Variants in CNTNAP2 observed in about 807,000 individuals in gnomAD.
The protein encoded by CNTNAP2 is contactin associated protein 2.
A neutral mutation model predicts 155.2 loss-of-function variants in CNTNAP2; 98 were observed. The observed-to-expected ratio is 0.63, with a 90% CI of 0.54 to 0.75. The LOEUF (loss-of-function observed/expected upper bound fraction) is 0.75, where lower values mean the gene tolerates loss of function less well. Ranked by LOEUF, CNTNAP2 falls within the 30% of genes least tolerant of loss-of-function variation. CNTNAP2 has a pLI of 0.00. For synonymous variants in CNTNAP2, 651 were observed against 631.2 expected (o/e 1.03, Z -0.47); for missense variants, 1,727 against 1,688.1 (o/e 1.02, Z -0.40).
chr7:146,767,372 G>T (rs10280082), intron 1 of CNTNAP2, among the ~76,000 whole-genome samples: 1 of 151,944 alleles, frequency 6.6e-6, no homozygotes, highest in Non-Finnish European at 1.5e-5. Flanking sequence ...GTATGTTAAA[G>T]ACCAGATTGT....
chr7:146,329,212 G>A (rs1489159300), intron 1 of CNTNAP2, among the ~76,000 whole-genome samples: 2 of 152,100 alleles, frequency 1.3e-5, no homozygotes, highest in Admixed American at 1.3e-4. Flanking sequence ...CTATCACATT[G>A]TCATTTGGAT....
chr7:146,229,047 T>C (rs1364393334), intron 1 of CNTNAP2, among the ~76,000 whole-genome samples: 1 of 152,162 alleles, frequency 6.6e-6, no homozygotes. Context: ...AGATTAATAT[T>C]CATATAAAAC....
chr7:147,178,878 G>T (rs1256381195), intron 8 of CNTNAP2, among the ~76,000 whole-genome samples: 3 of 152,164 alleles, frequency 2.0e-5, no homozygotes, highest in Admixed American at 2.0e-4. Flanking sequence ...GTCACTGTTT[G>T]TTAGCATATT....
intron 2 of CNTNAP2, among the ~76,000 whole-genome samples, chr7:146,815,262 CAGAT>C (rs1357853457): frequency 6.6e-6 from 1 of 152,002 alleles, no homozygotes. Context: ...AGTTATATGA[CAGAT>C]ATATATAATC....
chr7:146,505,945 C>A (rs1797377791), intron 1 of CNTNAP2, among the ~76,000 whole-genome samples: 1 of 152,196 alleles, frequency 6.6e-6, no homozygotes, highest in Non-Finnish European at 1.5e-5. Context: ...GAGTAACATG[C>A]AAATGTAACT....
intron 1 of CNTNAP2, among the ~76,000 whole-genome samples, chr7:146,770,867 C>G (rs1052822012): frequency 6.6e-6 from 1 of 152,076 alleles, no homozygotes; most frequent in Non-Finnish European, 1.5e-5. Context: ...TAATTACATT[C>G]AACGCAACCA....
chr7:146,941,535 A>G (rs1254297880), intron 3 of CNTNAP2, among the ~76,000 whole-genome samples: 2 of 152,128 alleles, frequency 1.3e-5, no homozygotes, highest in Non-Finnish European at 2.9e-5. Context: ...CACCGCCATT[A>G]TAGTATGAAG....
chr7:148,255,282 A>G (rs1056998193), intron 20 of CNTNAP2, among the ~76,000 whole-genome samples: 1 of 152,252 alleles, frequency 6.6e-6, no homozygotes, highest in Non-Finnish European at 1.5e-5. Context: ...ATTCTCTGAA[A>G]TAATTATATA....
chr7:146,504,750 A>G (rs1797356764), intron 1 of CNTNAP2, among the ~76,000 whole-genome samples: 1 of 147,518 alleles, frequency 6.8e-6, no homozygotes, highest in Admixed American at 6.7e-5. Context: ...TAACTGTGGC[A>G]AGCACATAAG....
intron 9 of CNTNAP2, chr7:147,377,951 G>A (rs1485980394): frequency 6.6e-6 from 3 of 452,354 alleles, no homozygotes; most frequent in African/African-American, 2.1e-5. Flanking sequence ...ATTTTTAAAT[G>A]TTCTGGAAAA....
intron 4 of CNTNAP2, among the ~76,000 whole-genome samples, chr7:147,102,324 G>A (rs1466285517): frequency 6.8e-6 from 1 of 146,586 alleles, no homozygotes; most frequent in Non-Finnish European, 1.5e-5. Flanking sequence ...CCAGATCTCT[G>A]GCTTGAGTGA....
chr7:146,395,379 G>C (rs1170265657), intron 1 of CNTNAP2, among the ~76,000 whole-genome samples: 1 of 152,008 alleles, frequency 6.6e-6, no homozygotes, highest in African/African-American at 2.4e-5. Flanking sequence ...TATTATTCTT[G>C]ATTTCAAATA....
chr7:147,331,902 AT>A (rs1795577614), intron 9 of CNTNAP2, among the ~76,000 whole-genome samples: 1 of 152,162 alleles, frequency 6.6e-6, no homozygotes, highest in Non-Finnish European at 1.5e-5. Context: ...CTGCTTCAGT[AT>A]CTCAGAAAGT....
chr7:146,735,106 A>G (rs1801588915), intron 1 of CNTNAP2, among the ~76,000 whole-genome samples: 1 of 152,214 alleles, frequency 6.6e-6, no homozygotes, highest in African/African-American at 2.4e-5. Flanking sequence ...CCTTCACTGT[A>G]AGCAGTATTA....
chr7:146,515,565 C>A (rs1797528850), intron 1 of CNTNAP2, among the ~76,000 whole-genome samples: 1 of 152,060 alleles, frequency 6.6e-6, no homozygotes, highest in African/African-American at 2.4e-5. Context: ...GCTGCTCCAT[C>A]ATTTTGGTGA....
intron 13 of CNTNAP2, among the ~76,000 whole-genome samples, chr7:147,683,576 G>T (rs1795977802): frequency 6.6e-6 from 1 of 151,664 alleles, no homozygotes; most frequent in Admixed American, 6.6e-5. Context: ...CAATTACCTT[G>T]TCCATATTAT....
At chr7:147,734,811 T>C (rs188580793) in intron 13 of CNTNAP2, among the ~76,000 whole-genome samples, 2 of 152,338 alleles carry the variant, frequency 1.3e-5, no homozygotes, top group East Asian at 3.9e-4. Flanking sequence ...CATAGAGGTG[T>C]TTATAGTATT....
chr7:147,150,883 A>T (rs1801811914), intron 8 of CNTNAP2, among the ~76,000 whole-genome samples: 1 of 152,176 alleles, frequency 6.6e-6, no homozygotes, highest in South Asian at 2.1e-4. Flanking sequence ...GATCAGACAA[A>T]ACCCCAAAAG....
chr7:148,039,234 G>A (rs1018177380), intron 15 of CNTNAP2, among the ~76,000 whole-genome samples: 8 of 152,198 alleles, frequency 5.3e-5, no homozygotes, highest in Non-Finnish European at 1.5e-5. Flanking sequence ...GCAAGTTCAA[G>A]TCCAAAGGCC....
Sources: allele counts gnomAD v4.1 joint callset (sites outside exome capture counted in the v4.1 genomes callset), GRCh38; gene constraint gnomAD v4.1.1; transcripts MANE v1.5; gene names NCBI Gene and HGNC (gene_info 2026-07-23, HGNC 2026-07-21).